CUBN: variants seen among roughly 807,000 people sequenced by gnomAD.
The protein encoded by CUBN is 460 kDa receptor.
A neutral mutation model predicts 405.3 loss-of-function variants in CUBN; 282 were observed. The ratio of observed to expected loss-of-function variants is 0.70; its 90% CI spans 0.63 to 0.77. The LOEUF (loss-of-function observed/expected upper bound fraction) is 0.77, where lower values mean the gene tolerates loss of function less well. Among genes scored for constraint, CUBN ranks in the 30% least tolerant of loss-of-function variants. The pLI, the probability that CUBN is intolerant of heterozygous loss-of-function variation, is 0.00. For synonymous variants in CUBN, 1,684 were observed against 1,617.0 expected, an observed-to-expected ratio of 1.04 and a Z score of -0.99; for missense variants, 4,514 against 4,475.2, an observed-to-expected ratio of 1.01 and a Z score of -0.25.
chr10:16,854,987 C>A (rs535352567), intron 59 of CUBN, among the ~76,000 whole-genome samples: 1 of 142,596 alleles, frequency 7.0e-6, no homozygotes, highest in East Asian at 2.2e-4. Context: ...TTTTTTCTTC[C>A]TTTCCTTTCC....
intron 22 of CUBN, among the ~76,000 whole-genome samples, chr10:17,060,991 G>T (rs973286089): frequency 5.3e-5 from 8 of 152,196 alleles, no homozygotes; most frequent in Non-Finnish European, 1.0e-4. Context: ...AGAGGTTGCA[G>T]TGAGCTGAGA....
intron 12 of CUBN, 134 bp downstream of exon 12, chr10:17,104,285 G>T: frequency 1.4e-6 from 1 of 719,236 alleles, no homozygotes; most frequent in Non-Finnish European, 2.4e-6. Context: ...ATTTCTGCAA[G>T]GAAAGACTTA....
intron 26 of CUBN, among the ~76,000 whole-genome samples, chr10:17,043,604 C>T (rs551847821): frequency 6.6e-5 from 10 of 152,270 alleles, no homozygotes; most frequent in African/African-American, 2.4e-4. Context: ...GTATTTCTCC[C>T]TCAAATGGAG....
intron 62 of CUBN, among the ~76,000 whole-genome samples, chr10:16,840,072 G>C (rs1473984134): frequency 7.7e-6 from 1 of 129,992 alleles, no homozygotes; most frequent in Non-Finnish European, 1.6e-5. Context: ...GTTGTGGGGT[G>C]GGGGAAGAGG....
chr10:16,826,401 A>G (rs551927517), intron 66 of CUBN, among the ~76,000 whole-genome samples: 7 of 152,364 alleles, frequency 4.6e-5, no homozygotes, highest in African/African-American at 9.6e-5. Context: ...GTATGTATGT[A>G]ACATGTGAAA....
chr10:17,040,855 T>C (rs1835002003), intron 27 of CUBN, among the ~76,000 whole-genome samples, 178 bp downstream of exon 27: 1 of 152,200 alleles, frequency 6.6e-6, no homozygotes, highest in Non-Finnish European at 1.5e-5. Context: ...TTCTCTGTAT[T>C]CACAATTTAA....
intron 31 of CUBN, among the ~76,000 whole-genome samples, chr10:16,970,515 G>T (rs571179538): frequency 3.4e-5 from 5 of 148,378 alleles, no homozygotes; most frequent in Non-Finnish European, 5.9e-5. Context: ...GGTGGAGGTC[G>T]CAGTGAGCTG....
chr10:16,931,112 A>C (rs1842351783), intron 40 of CUBN, among the ~76,000 whole-genome samples: 1 of 151,980 alleles, frequency 6.6e-6, no homozygotes, highest in South Asian at 2.1e-4. Context: ...AAAAAAAAAA[A>C]AATTAGCTGA....
At chr10:17,036,132 T>C (rs1834892453) in intron 27 of CUBN, among the ~76,000 whole-genome samples, 1 of 152,186 alleles carries the variant, frequency 6.6e-6, no homozygotes, top group Non-Finnish European at 1.5e-5. Context: ...TTGGCTACAC[T>C]GCCCTAATGA....
In CUBN at chr10:16,900,756, A is replaced by G. The variant is rs538864199; in HGVS notation, c.8279T>C (p.Ile2760Thr). ...GTTTGAATTTCCACAGTATTGTCCT[A>G]TGATGGGTGATTCAGGGGACCCACC... ...RNGGSPESPI[I>T]GQYCGNSNPR... is the part of the protein sequence containing the mutation. Residue 2760 changes from isoleucine to threonine, a missense_variant, in exon 53 of 67, where the codon ATA becomes ACA. This residue lies in a region of CUBN where 1,186 missense variants were observed against 1,186.9 expected (regional missense o/e 1.00). Transcript: ENST00000377833. 389 of 1,614,072 alleles carry G rather than the reference A, an allele frequency of 2.4e-4. 10 individuals are homozygous for G. The South Asian group carries it at 3.7e-3, about 15-fold the overall frequency.
At chr10:17,008,627 T>C (rs1294428893) in intron 28 of CUBN, among the ~76,000 whole-genome samples, 2 of 152,034 alleles carry the variant, frequency 1.3e-5, no homozygotes, top group Non-Finnish European at 2.9e-5. Flanking sequence ...CTTATCCTGC[T>C]TGCCTAGTTA....
chr10:16,850,927 T>C (rs1367416110), intron 60 of CUBN, among the ~76,000 whole-genome samples: 1 of 152,250 alleles, frequency 6.6e-6, no homozygotes, highest in African/African-American at 2.4e-5. Context: ...CCTTTGAGTA[T>C]CTCTCTCCAG....
rs143301088 is a variant in CUBN at position 16,937,587 on chromosome 10, C to G, written c.5926+5G>C. ...AAAAAGAACTTCATTTATTACCAAACACACCTGGAGCAATGGTAGGTAAAA... is the reference window on the plus strand; with the variant it reads ...AAAAAGAACTTCATTTATTACCAAAGACACCTGGAGCAATGGTAGGTAAAA... On this transcript the variant is annotated splice_donor_5th_base_variant and intron_variant, in intron 39 of 66. Transcript: ENST00000377833. The G allele has an allele frequency of 3.1e-6, 5 of 1,613,208 alleles. No homozygotes were observed. The highest frequency in any genetic ancestry group is 4.2e-6 in the Non-Finnish European group (5 of 1,179,460).
Position 16,915,908 on chromosome 10 carries a change from G to A in CUBN, c.7123C>T (p.Leu2375Phe), listed in dbSNP as rs766887513. ...WHLQGLSGHY[L>F]TISFEDFNLQ... ...TTAAAGTCTTCAAAAGAGATGGTGA[G>A]ATAGTGTCCAGAGAGCCCCTGGAGA... is the stretch of plus-strand genomic sequence containing the variant. The change falls in exon 46 of 67, where the codon CTC becomes TTC. Residue 2375 changes from leucine (L) to phenylalanine (F), a missense_variant. Transcript: ENST00000377833. 5 of 1,614,078 alleles carry A rather than the reference G, an allele frequency of 3.1e-6. No homozygotes were observed. The highest frequency in any genetic ancestry group is 4.2e-6 in the Non-Finnish European group (5 of 1,180,032).
In CUBN at chr10:17,084,136, T is replaced by A. The variant is rs1297400586; in HGVS notation, c.2301+135A>T. 12 of 815,768 alleles carry A rather than the reference T, an allele frequency of 1.5e-5. No individual in the cohort carries two copies. In the East Asian group the frequency reaches 2.6e-4, roughly 18 times the overall value. The allele number at this position is 815,768 out of a possible 1,614,324, so 50.5% of individuals were successfully genotyped here. On this transcript the variant is annotated intron_variant, in intron 17 of 66. Coordinates refer to ENST00000377833, the MANE Select transcript of CUBN (RefSeq NM_001081.4). ...CTGCACCTTAGTCATTAGAGCTTAG[T>A]TATTATTGTATTTCTAACAAGCTCT...
At position 17,087,471 on chromosome 10, in the gene CUBN, TC is replaced by T. The variant is rs1446054248; in HGVS notation, c.1947+692del. ...ACACAATCACTATTATTTTTCTTTT[TC>T]TTTTTTTTTTTTTTTTTTTTTTAGA... On this transcript the variant is annotated intron_variant, in intron 15 of 66. Transcript: ENST00000377833. 2.5e-3 allele frequency among the ~76,000 whole-genome samples: 240 copies of T among 97,202 alleles called. 7 individuals are homozygous for T. Among genetic ancestry groups the T allele is most frequent in the East Asian group, 9.2e-3 (34 of 3,714 alleles). The allele number at this position is 97,202 out of a possible 152,430, so 63.8% of individuals were successfully genotyped here.
intron 6 of CUBN, among the ~76,000 whole-genome samples, 171 bp from the exon 7 acceptor site, chr10:17,115,768 T>C (rs1198890314): frequency 6.6e-6 from 1 of 152,262 alleles, no homozygotes; most frequent in Admixed American, 6.5e-5. Context: ...ATCACTCTGC[T>C]GTGCTCCAAG....
chr10:17,072,327 A>C (rs1835759580), intron 17 of CUBN, among the ~76,000 whole-genome samples: 1 of 152,232 alleles, frequency 6.6e-6, no homozygotes, highest in Admixed American at 6.5e-5. Context: ...CCAAATCTGC[A>C]ATCAAAGAAA....
At chr10:16,844,289 C>A (rs1178248651) in intron 60 of CUBN, among the ~76,000 whole-genome samples, 7 of 149,620 alleles carry the variant, frequency 4.7e-5, no homozygotes, top group African/African-American at 1.5e-4. Flanking sequence ...AAAAAAAGAC[C>A]TTCCAGACCT....
Sources: gnomAD v4.1 joint callset for allele counts (sites outside exome capture counted in the v4.1 genomes callset) on GRCh38, gnomAD v4.1.1 for gene constraint, gnomAD v4.1.1 regional missense constraint, MANE v1.5 for transcripts, NCBI Gene and HGNC (gene_info 2026-07-23, HGNC 2026-07-21) for gene names.